The following RBM19 variants were observed in gnomAD, a reference collection of about 807,000 sequenced individuals.
The protein encoded by RBM19 is RNA binding motif protein 19.
RBM19 carries 94 observed loss-of-function variants against 116.8 expected under a neutral mutation model. The observed-to-expected ratio is 0.80, with a 90% CI of 0.68 to 0.95. The LOEUF is 0.95. RBM19 is among the 40% of genes least tolerant of loss of function. RBM19 has a pLI of 0.00. For missense variants in RBM19, 1,161 were observed against 1,220.7 expected, an observed-to-expected ratio of 0.95 and a Z score of 0.73; for synonymous variants, 475 against 494.1, an observed-to-expected ratio of 0.96 and a Z score of 0.51.
At chr12:113,872,043 C>T (rs969984332) in intron 21 of RBM19, among the ~76,000 whole-genome samples, 7 of 143,634 alleles carry the variant, frequency 4.9e-5, no homozygotes, top group Admixed American at 2.8e-4. Context: ...AAGTGAGGAG[C>T]GTCTCCGCCC....
In RBM19 at chr12:113,958,012, C is replaced by T; in HGVS notation, c.610G>A (p.Glu204Lys). Residue 204 changes from glutamate to lysine, a missense_variant, in exon 6 of 24, where the codon GAG becomes AAG. Transcript: ENST00000261741. ...TTCAGGTAATCCATGTCCGACAGCTCCTTCTGCACAGCTGCCTTTGGTTCG... is the reference window on the plus strand; with the variant it reads ...TTCAGGTAATCCATGTCCGACAGCTTCTTCTGCACAGCTGCCTTTGGTTCG... ...SLEPKAAVQK[E>K]LSDMDYLKSK... is the part of the protein sequence containing the mutation. The T allele has an allele frequency of 6.2e-7, 1 of 1,613,808 alleles. No individual in the cohort carries two copies. Among genetic ancestry groups the T allele is most frequent in the South Asian group, 1.1e-5 (1 of 91,016 alleles).
chr12:113,945,215 A>T (rs920918252), intron 13 of RBM19, among the ~76,000 whole-genome samples: 1 of 152,192 alleles, frequency 6.6e-6, no homozygotes, highest in Non-Finnish European at 1.5e-5. Context: ...TCAAAACATC[A>T]TGTTGATTTT....
chr12:113,924,714 T>G lies in RBM19; in HGVS notation c.2288A>C (p.Lys763Thr). Residue 763 changes from lysine (K) to threonine (T), a missense_variant, in exon 18 of 24, where the codon AAG becomes ACG. By Grantham distance (78) the Lys-to-Thr change is moderately conservative (BLOSUM62 -1). Coordinates refer to ENST00000261741, the MANE Select transcript of RBM19 (RefSeq NM_016196.4). ...VGTVKSCSIS[K>T]KKNKAGVLLS... ...CGGAATACCTGCTTTGTTCTTCTTC[T>G]TGGAGATGGAGCAGCTCTTCACTGT... 1 of 1,549,992 alleles carries G rather than the reference T, an allele frequency of 6.5e-7. No individual in the cohort carries two copies. The highest frequency in any genetic ancestry group is 8.9e-7 in the Non-Finnish European group (1 of 1,121,766).
At chr12:113,880,321 G>T in intron 21 of RBM19, among the ~76,000 whole-genome samples, 1 of 152,214 alleles carries the variant, frequency 6.6e-6, no homozygotes, top group East Asian at 1.9e-4. Flanking sequence ...GTTGGTCTCT[G>T]GGCATGCTGA....
In RBM19 at chr12:113,896,375, G is replaced by A. The variant is rs573291207; in HGVS notation, c.2558+18594C>T. ...AGAGCTCCAGGGAATTTCTGGGCTC[G>A]GGGGCATGTCCGCCTTAAAGGTTCA... On this transcript the variant is annotated intron_variant, in intron 21 of 23. Coordinates refer to ENST00000261741, the MANE Select transcript of RBM19 (RefSeq NM_016196.4). Among the ~76,000 whole-genome samples, 7 of 152,184 alleles carry A rather than the reference G, an allele frequency of 4.6e-5. No individual in the cohort carries two copies. In the East Asian group the frequency reaches 5.8e-4, roughly 13 times the overall value.
intron 21 of RBM19, among the ~76,000 whole-genome samples, chr12:113,863,080 G>GGGGGGAGGAGGTGGGAT (rs1453916900): frequency 6.6e-6 from 1 of 152,016 alleles, no homozygotes; most frequent in Non-Finnish European, 1.5e-5. Context: ...GAAGGGAGGA[G>GGGGGGAGGAGGTGGGAT]GGGGGAGGAG....
rs555755447 is a variant in RBM19 at position 113,823,246 on chromosome 12, T to C, written c.2861A>G (p.Glu954Gly). The C allele has an allele frequency of 4.3e-6, 7 of 1,611,834 alleles. 1 individual carries two copies. In the South Asian group the frequency reaches 7.7e-5, roughly 18 times the overall value. ...EQLEGSDSDSEEQTLQL is the reference protein window; with the variant it reads ...EQLEGSDSDSGEQTLQL ...AGCTCACAGCTGAAGGGTCTGCTCC[T>C]CGCTGTCGCTGTCACTGCCTTCCAG... Residue 954 changes from glutamate to glycine, a missense_variant, in exon 24 of 24, where the codon GAG (glutamate) becomes GGG (glycine). Physicochemically the swap from Glu to Gly is moderately conservative, Grantham distance 98. Coordinates refer to ENST00000261741, the MANE Select transcript of RBM19 (RefSeq NM_016196.4).
At chr12:113,881,789 C>T (rs917784027) in intron 21 of RBM19, among the ~76,000 whole-genome samples, 2 of 152,222 alleles carry the variant, frequency 1.3e-5, no homozygotes, top group African/African-American at 4.8e-5. Flanking sequence ...GGACAAAATC[C>T]TTCCTTGTGA....
At chr12:113,953,716 C>T (rs1339857048) in intron 7 of RBM19, among the ~76,000 whole-genome samples, 1 of 152,222 alleles carries the variant, frequency 6.6e-6, no homozygotes, top group African/African-American at 2.4e-5. Context: ...TGTGCCAAAG[C>T]CTTAGAATTG....
chr12:113,958,466 A>G (rs1872171243), intron 5 of RBM19, among the ~76,000 whole-genome samples: 1 of 152,034 alleles, frequency 6.6e-6, no homozygotes, highest in African/African-American at 2.4e-5. Context: ...TGCTCAAGCC[A>G]TCCCAACCCA....
chr12:113,841,589 A>AT (rs781296889), intron 23 of RBM19, among the ~76,000 whole-genome samples: 3 of 151,690 alleles, frequency 2.0e-5, no homozygotes, highest in South Asian at 2.1e-4. Flanking sequence ...AAGCCTGGCT[A>AT]TTTTTTTGTA....
chr12:113,909,004 G>A (rs1040406911), intron 21 of RBM19, among the ~76,000 whole-genome samples: 1 of 152,256 alleles, frequency 6.6e-6, no homozygotes, highest in African/African-American at 2.4e-5. Flanking sequence ...AAGGGGAGCT[G>A]AGGCAGCTGG....
At chr12:113,828,269 C>G (rs1372840654) in intron 23 of RBM19, among the ~76,000 whole-genome samples, 1 of 152,156 alleles carries the variant, frequency 6.6e-6, no homozygotes, top group Non-Finnish European at 1.5e-5. Flanking sequence ...CCTCTCGTTT[C>G]TCTTGAACCT....
intron 17 of RBM19, among the ~76,000 whole-genome samples, chr12:113,926,181 C>T (rs1031348383): frequency 2.0e-5 from 3 of 152,102 alleles, no homozygotes; most frequent in Admixed American, 2.0e-4. Context: ...TGTTTGCCTC[C>T]ATATCTTCTG....
chr12:113,829,681 TTC>T (rs1239636963), intron 23 of RBM19, among the ~76,000 whole-genome samples: 5 of 152,178 alleles, frequency 3.3e-5, no homozygotes, highest in Non-Finnish European at 7.3e-5. Context: ...GGTCCCAGCC[TTC>T]TCTGAGTTAC....
intron 1 of RBM19, among the ~76,000 whole-genome samples, chr12:113,964,740 A>G (rs1009236174): frequency 1.3e-5 from 2 of 152,078 alleles, no homozygotes; most frequent in Non-Finnish European, 2.9e-5. Context: ...AGGCAGGTCA[A>G]AAGGAGGAAA....
chr12:113,928,254 T>C (rs1869286672), intron 16 of RBM19, among the ~76,000 whole-genome samples: 1 of 151,992 alleles, frequency 6.6e-6, no homozygotes, highest in African/African-American at 2.4e-5. Context: ...CAAGAATTGC[T>C]CGAACCTGGG....
chr12:113,843,875 C>A (rs1292324356), intron 23 of RBM19, among the ~76,000 whole-genome samples: 1 of 152,250 alleles, frequency 6.6e-6, no homozygotes, highest in Non-Finnish European at 1.5e-5. Context: ...GCCATGCTGT[C>A]CTCCCTGTTT....
At position 113,920,614 on chromosome 12, in the gene RBM19, G is replaced by A; in HGVS notation, c.2382C>T (p.Leu794=). 6.2e-7 allele frequency: 1 copy of A among 1,613,798 alleles called. No homozygotes were observed. Among genetic ancestry groups the A allele is most frequent in the Non-Finnish European group, 8.5e-7 (1 of 1,179,744 alleles). Residue 794 remains leucine (L), a synonymous_variant, in exon 19 of 24, where the codon CTC becomes CTT. Coordinates refer to ENST00000261741, the MANE Select transcript of RBM19 (RefSeq NM_016196.4). ...PEQAQKALKQ[L]QGHVVDGHKL... ...CAGCTGAGAATCTTCACTTTACCTG[G>A]AGCTGCTTGAGAGCTTTCTGGGCTT...
Sources: gnomAD v4.1 joint callset for allele counts (sites outside exome capture counted in the v4.1 genomes callset) on GRCh38, gnomAD v4.1.1 for gene constraint, MANE v1.5 for transcripts, NCBI Gene and HGNC (gene_info 2026-07-23, HGNC 2026-07-21) for gene names.